The following MRPL48 variants were observed in gnomAD, a reference collection of about 807,000 sequenced individuals.
The protein encoded by MRPL48 is large ribosomal subunit protein mL48.
A neutral mutation model predicts 32.9 loss-of-function variants in MRPL48; 16 were observed. The observed-to-expected ratio is 0.49, with a 90% confidence interval of 0.33 to 0.74. The LOEUF is 0.74. Among genes scored for constraint, MRPL48 ranks in the 30% least tolerant of loss-of-function variants. The pLI is 0.02. For synonymous variants in MRPL48, 94 were observed against 89.2 expected (o/e 1.05, Z -0.31); for missense variants, 206 against 245.3 (o/e 0.84, Z 1.07).
At chr11:73,823,840 GTA>G (rs1310655079) in intron 3 of MRPL48, among the ~76,000 whole-genome samples, 2 of 149,048 alleles carry the variant, frequency 1.3e-5, no homozygotes, top group African/African-American at 2.5e-5. Context: ...CTACCACAAT[GTA>G]TATATATATA....
chr11:73,823,654 G>GTTTTT (rs57616234), intron 3 of MRPL48, among the ~76,000 whole-genome samples: 34 of 105,642 alleles, frequency 3.2e-4, no homozygotes, highest in African/African-American at 4.0e-4. Context: ...TTTCTTTTCT[G>GTTTTT]TTTTTTTTTT....
intron 3 of MRPL48, among the ~76,000 whole-genome samples, chr11:73,819,803 T>G (rs1354196736): frequency 1.3e-5 from 2 of 152,048 alleles, no homozygotes; most frequent in African/African-American, 4.8e-5. Context: ...GAGATTGAGA[T>G]GGGAGGATCA....
intron 6 of MRPL48, 43 bp downstream of exon 6, chr11:73,860,052 G>C (rs1185748174): frequency 1.3e-6 from 2 of 1,514,608 alleles, no homozygotes; most frequent in Non-Finnish European, 1.8e-6. Flanking sequence ...GCTTCTCCTG[G>C]TTCTTTTCTC....
At chr11:73,816,380 A>G (rs1328652561) in intron 3 of MRPL48, among the ~76,000 whole-genome samples, 1 of 130,182 alleles carries the variant, frequency 7.7e-6, no homozygotes, top group Admixed American at 7.8e-5. Flanking sequence ...TTTAAACTTC[A>G]TCTTGTTTCA....
intron 3 of MRPL48, 64 bp from the exon 4 acceptor site, chr11:73,825,644 T>C (rs1947873494): frequency 7.1e-7 from 1 of 1,415,660 alleles, no homozygotes; most frequent in African/African-American, 1.4e-5. Context: ...AGACCCTGTC[T>C]CTTAAAAAAC....
intron 3 of MRPL48, among the ~76,000 whole-genome samples, chr11:73,824,000 C>T (rs1388698372): frequency 1.3e-5 from 2 of 151,774 alleles, no homozygotes; most frequent in Admixed American, 6.6e-5. Flanking sequence ...GGATTATATG[C>T]GTGCACCACC....
intron 1 of MRPL48, among the ~76,000 whole-genome samples, chr11:73,800,236 G>A (rs962255683): frequency 1.3e-5 from 2 of 150,980 alleles, no homozygotes; most frequent in African/African-American, 2.4e-5. Context: ...AGTAAGATCC[G>A]GTCTCTTAAA....
intron 3 of MRPL48, among the ~76,000 whole-genome samples, chr11:73,810,382 A>G (rs1005349485): frequency 2.0e-5 from 3 of 152,006 alleles, no homozygotes; most frequent in African/African-American, 7.3e-5. Flanking sequence ...TTAGCCGGGC[A>G]TGGTGGAGCA....
At chr11:73,809,419 G>A (rs559499559) in intron 3 of MRPL48, among the ~76,000 whole-genome samples, 1 of 150,310 alleles carries the variant, frequency 6.7e-6, no homozygotes, top group South Asian at 2.1e-4. Flanking sequence ...CAGGAGAATT[G>A]TTTGAACCCC....
chr11:73,788,472 C>CTTTTTTTT (rs11352308), intron 1 of MRPL48, among the ~76,000 whole-genome samples: 9 of 109,630 alleles, frequency 8.2e-5, no homozygotes, highest in Non-Finnish European at 1.6e-4. Flanking sequence ...TCTTTTCTTT[C>CTTTTTTTT]TTTTTTTTTT....
intron 5 of MRPL48, among the ~76,000 whole-genome samples, chr11:73,856,834 G>A (rs938011425): frequency 2.6e-5 from 4 of 151,642 alleles, no homozygotes; most frequent in African/African-American, 4.9e-5. Context: ...CCATTTTACT[G>A]TCTGATCATC....
At chr11:73,835,387 G>A (rs1948081370) in intron 4 of MRPL48, among the ~76,000 whole-genome samples, 1 of 151,034 alleles carries the variant, frequency 6.6e-6, no homozygotes, top group Non-Finnish European at 1.5e-5. Flanking sequence ...TGATCCGCCT[G>A]CCTCGGCCTC....
Position 73,796,224 on chromosome 11 carries a change from C to G in MRPL48, c.21+8232C>G, listed in dbSNP as rs910812810. On this transcript the variant is annotated intron_variant, in intron 1 of 7. Transcript: ENST00000310614. ...GCTCTTCCGAGTGCAGTTACGGCCG[C>G]CCAAACTGTGACTGCGGACCCAGGC... Among the ~76,000 whole-genome samples the G allele has an allele frequency of 4.0e-4, 61 of 152,228 alleles. 2 individuals are homozygous for G. The highest frequency in any genetic ancestry group is 8.8e-5 in the Non-Finnish European group (6 of 68,048).
chr11:73,832,153 A>G (rs1360157831), intron 4 of MRPL48, among the ~76,000 whole-genome samples: 2 of 152,088 alleles, frequency 1.3e-5, no homozygotes, highest in Admixed American at 6.6e-5. Flanking sequence ...TCACCTTGTC[A>G]TATGTTCTCA....
chr11:73,836,232 C>T (rs1948100014), intron 4 of MRPL48, among the ~76,000 whole-genome samples: 1 of 152,140 alleles, frequency 6.6e-6, no homozygotes, highest in Admixed American at 6.5e-5. Flanking sequence ...AATTCTGGTG[C>T]CTCAGCCTCC....
intron 5 of MRPL48, among the ~76,000 whole-genome samples, chr11:73,848,369 T>G (rs767213459): frequency 6.6e-6 from 1 of 152,170 alleles, no homozygotes; most frequent in African/African-American, 2.4e-5. Context: ...TGTAGTTTGA[T>G]TACCAACTCT....
At position 73,802,607 on chromosome 11, in the gene MRPL48, A is replaced by G. The variant is rs575122495; in HGVS notation, c.22-2420A>G. Among the ~76,000 whole-genome samples the G allele has an allele frequency of 2.6e-5, 4 of 152,250 alleles. No homozygotes were observed. The South Asian group carries it at 8.3e-4, about 32-fold the overall frequency. Reference sequence around the variant, plus strand: ...TTGTGACTGGTTTCTTTTATTTAGTATAATGTTTTCAAGATTCATCCCTGT... The same window carrying G: ...TTGTGACTGGTTTCTTTTATTTAGTGTAATGTTTTCAAGATTCATCCCTGT... On this transcript the variant is annotated intron_variant, in intron 1 of 7. Coordinates refer to ENST00000310614, the MANE Select transcript of MRPL48 (RefSeq NM_016055.6).
chr11:73,807,926 G>A (rs1172032563), intron 2 of MRPL48, among the ~76,000 whole-genome samples: 3 of 152,170 alleles, frequency 2.0e-5, no homozygotes, highest in Admixed American at 6.5e-5. Flanking sequence ...GGCGTGAGCC[G>A]CTGCGCCCGG....
At chr11:73,812,610 A>G (rs1359499168) in intron 3 of MRPL48, among the ~76,000 whole-genome samples, 1 of 151,826 alleles carries the variant, frequency 6.6e-6, no homozygotes, top group African/African-American at 2.4e-5. Flanking sequence ...CTGAAGTCCC[A>G]GAATGGTCCT....
Sources: gnomAD v4.1 joint callset for allele counts (sites outside exome capture counted in the v4.1 genomes callset) on GRCh38, gnomAD v4.1.1 for gene constraint, MANE v1.5 for transcripts, NCBI Gene and HGNC (gene_info 2026-07-23, HGNC 2026-07-21) for gene names.